The following ELAVL3 variants were observed in gnomAD, a reference collection of about 807,000 sequenced individuals.
ELAVL3 encodes the protein ELAV-like protein 3.
ELAVL3 carries 8 observed loss-of-function variants against 34.2 expected under a neutral mutation model. That is an observed-to-expected ratio of 0.23 (90% CI 0.14 to 0.42). The LOEUF (loss-of-function observed/expected upper bound fraction) is 0.42, where lower values mean the gene tolerates loss of function less well. ELAVL3 is among the 10% of genes least tolerant of loss of function. ELAVL3 has a pLI of 1.00. For missense variants in ELAVL3, 273 were observed against 518.8 expected (o/e 0.53, Z 4.60); for synonymous variants, 209 against 222.1 (o/e 0.94, Z 0.53).
intron 1 of ELAVL3, among the ~76,000 whole-genome samples, chr19:11,470,158 T>C (rs953634413): frequency 6.6e-6 from 1 of 151,852 alleles, no homozygotes; most frequent in Non-Finnish European, 1.5e-5. Context: ...AGTTCAAGAC[T>C]AGCCTGGCCA....
intron 1 of ELAVL3, among the ~76,000 whole-genome samples, chr19:11,474,892 C>T (rs1971234808): frequency 6.6e-6 from 1 of 152,248 alleles, no homozygotes; most frequent in African/African-American, 2.4e-5. Context: ...TGCAGTGGCG[C>T]GATCTCAGCT....
chr19:11,467,704 G>A (rs745722007), intron 1 of ELAVL3, among the ~76,000 whole-genome samples: 8 of 151,886 alleles, frequency 5.3e-5, no homozygotes, highest in African/African-American at 1.4e-4. Flanking sequence ...GGCTGGTCTC[G>A]AACTCCTGAC....
chr19:11,472,113 C>T (rs1158271391), intron 1 of ELAVL3, among the ~76,000 whole-genome samples: 1 of 152,158 alleles, frequency 6.6e-6, no homozygotes, highest in Non-Finnish European at 1.5e-5. Context: ...CTTTGGGAGG[C>T]TGAGGCAGGT....
intron 1 of ELAVL3, among the ~76,000 whole-genome samples, chr19:11,476,426 C>T (rs1157038124): frequency 6.6e-6 from 1 of 151,922 alleles, no homozygotes; most frequent in East Asian, 1.9e-4. Flanking sequence ...TGCCTGTAGT[C>T]CCAGCTACTT....
intron 3 of ELAVL3, among the ~76,000 whole-genome samples, chr19:11,465,283 A>ACATG: frequency 7.1e-6 from 1 of 140,864 alleles, no homozygotes; most frequent in African/African-American, 2.9e-5. Context: ...ACACATACAC[A>ACATG]CACACACACC....
intron 6 of ELAVL3, among the ~76,000 whole-genome samples, chr19:11,455,104 A>T (rs311796): frequency 1.3e-5 from 2 of 149,820 alleles, no homozygotes; most frequent in Non-Finnish European, 3.0e-5. Flanking sequence ...GCTCAAGCAA[A>T]CCTCCCGCCT....
intron 1 of ELAVL3, among the ~76,000 whole-genome samples, chr19:11,471,967 AG>A (rs1971173119): frequency 1.3e-5 from 2 of 152,370 alleles, no homozygotes; most frequent in South Asian, 2.1e-4. Flanking sequence ...CTTATCTGTC[AG>A]GGACATAAGA....
chr19:11,465,298 ACACACACACCACACACATACACACATG>A (rs1199301963), intron 3 of ELAVL3, among the ~76,000 whole-genome samples: 10 of 148,140 alleles, frequency 6.8e-5, no homozygotes, highest in Middle Eastern at 3.6e-3. Flanking sequence ...CACACCACAC[ACACACACACCACACACATACACACATG>A]CACACACACC....
At position 11,451,751 on chromosome 19, in the gene ELAVL3, A is replaced by G. The variant is rs1416032558; in HGVS notation, c.*2775T>C. On this transcript the variant is annotated 3_prime_UTR_variant, in exon 7 of 7. Coordinates refer to ENST00000359227, the MANE Select transcript of ELAVL3 (RefSeq NM_001420.4). ...GGCTGGGCTGAGTTTTGTGTTTTAG[A>G]AAAAGAAGTCCCCTCCCAGTCTTGG... The G allele has an allele frequency of 6.6e-6, 1 of 151,546 alleles. No homozygotes were observed. Among genetic ancestry groups the G allele is most frequent in the Non-Finnish European group, 1.5e-5 (1 of 67,758 alleles). The allele number at this position is 151,546 out of a possible 1,614,324, so 9.4% of individuals were successfully genotyped here. A position where few individuals can be genotyped will look rare whatever the true frequency, so the allele number is the denominator to read the frequency against.
Position 11,453,338 on chromosome 19 carries a change from AC to A in ELAVL3, c.*1187del, listed in dbSNP as rs1970695934. 6.6e-6 allele frequency: 1 copy of A among 150,914 alleles called. No individual in the cohort carries two copies. Among genetic ancestry groups the A allele is most frequent in the Admixed American group, 6.6e-5 (1 of 15,166 alleles). The allele number at this position is 150,914 out of a possible 1,614,324, so 9.3% of individuals were successfully genotyped here. ...GGTCCAGGAGAGATCTCTGCAGAGA[AC>A]CTGGGGGCCAGGGCGAGGGGGCCGA... On this transcript the variant is annotated 3_prime_UTR_variant, in exon 7 of 7. Transcript: ENST00000359227.
intron 3 of ELAVL3, among the ~76,000 whole-genome samples, chr19:11,461,009 CAAAAAAAA>C (rs535847241): frequency 0.2 from 17,833 of 89,858 alleles, 1,523 homozygotes; most frequent in Admixed American, 0.26. Context: ...ACAACCTCTA[CAAAAAAAA>C]AAAAAAAAAA....
Position 11,454,393 on chromosome 19 carries a change from G to A in ELAVL3, c.*133C>T. The A allele has an allele frequency of 1.1e-6, 1 of 896,618 alleles. No homozygotes were observed. Among genetic ancestry groups the A allele is most frequent in the East Asian group, 2.7e-5 (1 of 37,510 alleles). 55.5% of individuals were successfully genotyped at this position (896,618 alleles called of 1,614,324 possible). ...GTGCTCACCCTGTGGCTTCCGCAGG[G>A]ACGTGGGGCCCTCGCGTCGTCCGTG... On this transcript the variant is annotated 3_prime_UTR_variant, in exon 7 of 7. Transcript: ENST00000359227. This position sits in a 1 kb window ranked among gnomAD's most constrained non-coding sequence, Gnocchi z 9.2.
In ELAVL3 at chr19:11,452,763, A is replaced by T. The variant is rs1362739310; in HGVS notation, c.*1763T>A. The T allele has an allele frequency of 1.3e-5, 2 of 151,038 alleles. No homozygotes were observed. The highest frequency in any genetic ancestry group is 2.4e-5 in the African/African-American group (1 of 40,992). 9.4% of individuals were successfully genotyped at this position (151,038 alleles called of 1,614,324 possible). On this transcript the variant is annotated 3_prime_UTR_variant, in exon 7 of 7. Coordinates refer to ENST00000359227, the MANE Select transcript of ELAVL3 (RefSeq NM_001420.4). ...GGGGGTTTTGCAATTCTCAGTTCCG[A>T]TGGGGCCGCTGAGTGGGGTGGGGAG... is the stretch of plus-strand genomic sequence containing the variant.
At chr19:11,459,417 G>A (rs544016704) in intron 3 of ELAVL3, among the ~76,000 whole-genome samples, 25 of 152,056 alleles carry the variant, frequency 1.6e-4, no homozygotes, top group South Asian at 6.2e-4. Flanking sequence ...ACAGGCGTGA[G>A]CCACCGCGCC....
chr19:11,464,167 A>ATTTT lies in ELAVL3; in HGVS notation c.333+2001_333+2004dup, dbSNP rs1236599277. Among the ~76,000 whole-genome samples the ATTTT allele has an allele frequency of 4.0e-4, 42 of 103,842 alleles. 1 individual carries two copies. Among genetic ancestry groups the ATTTT allele is most frequent in the East Asian group, 1.2e-3 (4 of 3,426 alleles). The allele number at this position is 103,842 out of a possible 152,430, so 68.1% of individuals were successfully genotyped here. On this transcript the variant is annotated intron_variant, in intron 3 of 6. Transcript: ENST00000359227. ...TCTCTCTCTCTATATATATATATAT[A>ATTTT]TTTTTTTTTTTTTTAGACAGGGTCT...
In ELAVL3 at chr19:11,478,316, C is replaced by A. The variant is rs542315824; in HGVS notation, c.9+2284G>T. 2.6e-5 allele frequency among the ~76,000 whole-genome samples: 4 copies of A among 152,304 alleles called. No individual in the cohort carries two copies. The South Asian group carries it at 8.3e-4, about 32-fold the overall frequency. ...CTAATCTGGCCACCACCCGTTCTCC[C>A]TCCCATTTGTGCCAGAGCTTAGCGG... On this transcript the variant is annotated intron_variant, in intron 1 of 6. Coordinates refer to ENST00000359227, the MANE Select transcript of ELAVL3 (RefSeq NM_001420.4).
chr19:11,467,980 G>GGGTCTCACTAT (rs1193746391), intron 1 of ELAVL3, among the ~76,000 whole-genome samples: 1 of 152,060 alleles, frequency 6.6e-6, no homozygotes, highest in Non-Finnish European at 1.5e-5. Flanking sequence ...TGTAGAGATG[G>GGGTCTCACTAT]GGTCTCACTA....
chr19:11,474,144 C>T (rs1971219635), intron 1 of ELAVL3, among the ~76,000 whole-genome samples: 1 of 152,282 alleles, frequency 6.6e-6, no homozygotes, highest in African/African-American at 2.4e-5. Context: ...GTGATTCTTA[C>T]ACCTCAGCCT....
chr19:11,455,592 C>T (rs902138470), intron 6 of ELAVL3, among the ~76,000 whole-genome samples: 1 of 151,856 alleles, frequency 6.6e-6, no homozygotes, highest in Admixed American at 6.6e-5. Flanking sequence ...CAGCCATGCC[C>T]CGCTAATTTT....
Sources: allele counts gnomAD v4.1 joint callset (sites outside exome capture counted in the v4.1 genomes callset), GRCh38; gene constraint gnomAD v4.1.1; non-coding constraint Gnocchi (gnomAD v3.1); transcripts MANE v1.5; gene names NCBI Gene and HGNC (gene_info 2026-07-23, HGNC 2026-07-21).